OPRM1: variants seen among roughly 807,000 people sequenced by gnomAD.
The protein encoded by OPRM1 is mu-type opioid receptor.
OPRM1 carries 27 observed loss-of-function variants against 31.8 expected under a neutral mutation model. The ratio of observed to expected loss-of-function variants is 0.85; its 90% CI spans 0.63 to 1.17. The LOEUF (loss-of-function observed/expected upper bound fraction) is 1.17. OPRM1 is among the 50% of genes most tolerant of loss of function. The pLI, the probability that OPRM1 is intolerant of heterozygous loss-of-function variation, is 0.00. For missense variants in OPRM1, 536 were observed against 511.1 expected (o/e 1.05, Z -0.47); for synonymous variants, 196 against 189.9 (o/e 1.03, Z -0.26).
intron 3 of OPRM1, among the ~76,000 whole-genome samples, chr6:154,170,681 C>T (rs1334734872): frequency 6.6e-6 from 1 of 152,140 alleles, no homozygotes; most frequent in Non-Finnish European, 1.5e-5. Context: ...TGTCAATAAG[C>T]ACATGAAAAG....
intron 1 of OPRM1, chr6:154,087,707 C>A (rs2128479630): frequency 4.1e-6 from 2 of 489,354 alleles, no homozygotes; most frequent in Non-Finnish European, 5.3e-6. Flanking sequence ...CGTCTTCACG[C>A]CCTGGACTGG....
At chr6:154,154,852 A>C (rs1798648225) in intron 3 of OPRM1, 1 of 152,588 alleles carries the variant, frequency 6.6e-6, no homozygotes, top group Non-Finnish European at 1.5e-5. Flanking sequence ...AACTTAAGCT[A>C]AGATTTCCAC....
intron 3 of OPRM1, among the ~76,000 whole-genome samples, chr6:154,201,401 T>A (rs1195837935): frequency 6.6e-6 from 1 of 152,214 alleles, no homozygotes; most frequent in Non-Finnish European, 1.5e-5. Flanking sequence ...TAATGTCCTA[T>A]GTAGCAAAAT....
chr6:154,052,133 C>A lies in OPRM1; in HGVS notation c.290+12299C>A, dbSNP rs551575102. On this transcript the variant is annotated intron_variant, in intron 1 of 3. Transcript: ENST00000330432. ...ATAAGTGGGAGTTGAACAATGAGAA[C>A]ACGTGGACACAGGGAGAGGAACAGC... Among the ~76,000 whole-genome samples, 155 of 152,106 alleles carry A rather than the reference C, an allele frequency of 1.0e-3. 1 individual carries two copies. The highest frequency in any genetic ancestry group is 0.01 in the Admixed American group (153 of 15,272).
chr6:154,097,307 T>C (rs958252960), intron 3 of OPRM1, among the ~76,000 whole-genome samples: 3 of 152,214 alleles, frequency 2.0e-5, no homozygotes, highest in African/African-American at 7.2e-5. Context: ...ATGCTCTGTA[T>C]TTGGTTTAAC....
At chr6:154,159,409 A>G (rs1486495510) in intron 3 of OPRM1, 3 of 184,382 alleles carry the variant, frequency 1.6e-5, no homozygotes, top group Admixed American at 1.3e-4. Context: ...TGGGCCACAC[A>G]GCTTCCCAGT....
At chr6:154,188,005 T>A (rs1583745718) in intron 3 of OPRM1, among the ~76,000 whole-genome samples, 2 of 152,200 alleles carry the variant, frequency 1.3e-5, no homozygotes, top group African/African-American at 4.8e-5. Flanking sequence ...CTATCAGCAT[T>A]GTACTTTGGG....
At chr6:154,235,531 C>CAAA (rs34877577) in intron 3 of OPRM1, among the ~76,000 whole-genome samples, 33 of 97,414 alleles carry the variant, frequency 3.4e-4, no homozygotes, top group African/African-American at 9.2e-4. Flanking sequence ...AACTCTGTCA[C>CAAA]AAAAAAAAAA....
At position 154,129,852 on chromosome 6, in the gene OPRM1, GCACACA is replaced by G. The variant is rs59576607; in HGVS notation, c.*11160_*11165del. On this transcript the variant is annotated 3_prime_UTR_variant, in exon 4 of 4. Transcript: ENST00000330432. ...TTACCACCGACACCCTCCCCCCCCA[GCACACA>G]CACACACACACACACACACACACAC... 7.8e-4 allele frequency among the ~76,000 whole-genome samples: 102 copies of G among 131,522 alleles called. No homozygotes were observed. The highest frequency in any genetic ancestry group is 3.7e-3 in the Middle Eastern group (1 of 268). The allele number at this position is 131,522 out of a possible 152,430, so 86.3% of individuals were successfully genotyped here. A position where few individuals can be genotyped will look rare whatever the true frequency, so the allele number is the denominator to read the frequency against.
At chr6:154,221,401 G>T in intron 3 of OPRM1, 1 of 1,144,118 alleles carries the variant, frequency 8.7e-7, no homozygotes, top group Non-Finnish European at 1.3e-6. Context: ...AAGTAAATCA[G>T]TAAAATACAA....
Position 154,199,912 on chromosome 6 carries a change from C to A in OPRM1, c.1165-46781C>A, listed in dbSNP as rs1338753827. The stretch of plus-strand genomic sequence containing the variant: ...CAGACAAACTGTTAACTGTGTCAGG[C>A]AAGGATTGTCTCTCTTTAGATAAGG... On this transcript the variant is annotated intron_variant, in intron 3 of 3. Coordinates refer to the OPRM1 transcript ENST00000337049. 1.9e-6 allele frequency: 3 copies of A among 1,614,152 alleles called. No individual in the cohort carries two copies. In the South Asian group the frequency reaches 3.3e-5, roughly 18 times the overall value.
chr6:154,183,638 C>A (rs1430769812), intron 3 of OPRM1, among the ~76,000 whole-genome samples: 3 of 152,166 alleles, frequency 2.0e-5, no homozygotes, highest in African/African-American at 7.2e-5. Flanking sequence ...GTGGCTTACA[C>A]CTGTAATCCC....
intron 3 of OPRM1, among the ~76,000 whole-genome samples, chr6:154,207,936 A>C (rs187138994): frequency 4.5e-4 from 69 of 152,326 alleles, no homozygotes; most frequent in African/African-American, 1.5e-3. Context: ...CGGATTCAAA[A>C]TCTAACCATT....
intron 3 of OPRM1, among the ~76,000 whole-genome samples, chr6:154,220,547 C>T (rs963014409): frequency 2.0e-5 from 3 of 152,104 alleles, no homozygotes; most frequent in Admixed American, 1.3e-4. Context: ...GAGGCTGATG[C>T]AGGAGAATCA....
intron 1 of OPRM1, among the ~76,000 whole-genome samples, chr6:154,052,337 G>GTAAAA (rs753034308): frequency 5.9e-5 from 9 of 152,140 alleles, no homozygotes; most frequent in Non-Finnish European, 1.2e-4. Flanking sequence ...GGAACTTAGA[G>GTAAAA]TAAAATAAAA....
Position 154,119,321 on chromosome 6 carries a change from G to A in OPRM1, c.*600G>A, listed in dbSNP as rs1373421578. ...TTTCATCTAGCTCCATAATTGCAAG[G>A]GAAGAGATTAGCATGAAAGGTAATC... On this transcript the variant is annotated 3_prime_UTR_variant, in exon 4 of 4. Transcript: ENST00000330432. 2.0e-6 allele frequency: 2 copies of A among 985,362 alleles called. No individual in the cohort carries two copies. Among genetic ancestry groups the A allele is most frequent in the Non-Finnish European group, 2.4e-6 (2 of 829,918 alleles). The allele number at this position is 985,362 out of a possible 1,614,324, so 61.0% of individuals were successfully genotyped here. A position where few individuals can be genotyped will look rare whatever the true frequency, so the allele number is the denominator to read the frequency against.
rs761333730 is a variant in OPRM1, at chr6:154,180,414, A to ATT, written c.1165-66270_1165-66269dup. ...TATATATATATATATATATATATAT[A>ATT]TTTTTTTTTTAAACATGATCCTTCT... is the stretch of plus-strand genomic sequence containing the variant. On this transcript the variant is annotated intron_variant, in intron 3 of 3. Coordinates refer to the OPRM1 transcript ENST00000337049. Among the ~76,000 whole-genome samples, 167 of 65,250 alleles carry ATT rather than the reference A, an allele frequency of 2.6e-3. 1 individual carries two copies. The East Asian group carries it at 0.032, about 13-fold the overall frequency. The allele number at this position is 65,250 out of a possible 152,430, so 42.8% of individuals were successfully genotyped here.
At chr6:154,152,347 G>GAAAGAAAGAAAGA in intron 3 of OPRM1, among the ~76,000 whole-genome samples, 1 of 65,202 alleles carries the variant, frequency 1.5e-5, no homozygotes, top group South Asian at 6.4e-4. Flanking sequence ...AAGAAAGAAA[G>GAAAGAAAGAAAGA]GAAAGAAAGA....
intron 3 of OPRM1, chr6:154,159,930 G>A: frequency 2.5e-6 from 4 of 1,613,554 alleles, no homozygotes; most frequent in Non-Finnish European, 3.4e-6. Context: ...GCTGCTGATA[G>A]ATGTCCTGGA....
Sources: gnomAD v4.1 joint callset for allele counts (sites outside exome capture counted in the v4.1 genomes callset) on GRCh38, gnomAD v4.1.1 for gene constraint, MANE v1.5 for transcripts, NCBI Gene and HGNC (gene_info 2026-07-23, HGNC 2026-07-21) for gene names.